LOC400499: variants seen among roughly 807,000 people sequenced by gnomAD.
At chr16:11,520,927 T>C in the LOC400499 span, among the ~76,000 whole-genome samples, 1 of 152,216 alleles carries the variant, frequency 6.6e-6, no homozygotes, top group Non-Finnish European at 1.5e-5. Flanking sequence ...CTTTATATCC[T>C]TGCCAACATT....
the LOC400499 span, among the ~76,000 whole-genome samples, chr16:11,428,087 A>G: frequency 7.3e-3 from 1,109 of 152,350 alleles, 7 homozygotes; most frequent in Non-Finnish European, 9.6e-3. Flanking sequence ...CAGACAGAGC[A>G]GCCCTGAGGG....
the LOC400499 span, among the ~76,000 whole-genome samples, chr16:11,480,834 C>A: frequency 6.6e-6 from 1 of 152,166 alleles, no homozygotes; most frequent in African/African-American, 2.4e-5. Context: ...TGAAAAGGAA[C>A]AAATTATAAG....
the LOC400499 span, among the ~76,000 whole-genome samples, chr16:11,499,605 G>A: frequency 1.3e-5 from 2 of 152,046 alleles, no homozygotes; most frequent in Non-Finnish European, 2.9e-5. Flanking sequence ...CAGAAGGCAA[G>A]GGCTCCCTAT....
chr16:11,397,527 C>T, the LOC400499 span, among the ~76,000 whole-genome samples: 7 of 152,098 alleles, frequency 4.6e-5, no homozygotes, highest in Middle Eastern at 3.2e-3. Context: ...CCTGCATCGG[C>T]CTCCCAAAGT....
At chr16:11,427,540 G>C in the LOC400499 span, among the ~76,000 whole-genome samples, 1 of 151,834 alleles carries the variant, frequency 6.6e-6, no homozygotes, top group Non-Finnish European at 1.5e-5. Flanking sequence ...CACCTCCCAG[G>C]CTCAAGCGAT....
chr16:11,521,833 A>C, the LOC400499 span: 1 of 397,266 alleles, frequency 2.5e-6, no homozygotes, highest in Non-Finnish European at 4.4e-6. Flanking sequence ...CAAATATAAG[A>C]TTCCTCAGAA....
At chr16:11,437,710 A>G in the LOC400499 span, among the ~76,000 whole-genome samples, 1 of 152,130 alleles carries the variant, frequency 6.6e-6, no homozygotes, top group African/African-American at 2.4e-5. Flanking sequence ...TCTACTAAAA[A>G]TACAAAAAAT....
the LOC400499 span, chr16:11,384,239 C>T: frequency 1.6e-6 from 2 of 1,232,352 alleles, no homozygotes; most frequent in East Asian, 3.2e-5. Flanking sequence ...CTGAGCTCCT[C>T]CAGGCTGCGG....
At chr16:11,525,366 C>G in the LOC400499 span, among the ~76,000 whole-genome samples, 63,974 of 150,734 alleles carry the variant, frequency 0.42, 14,261 homozygotes, top group African/African-American at 0.57. Flanking sequence ...GCATTATATA[C>G]TATTTTGTTT....
chr16:11,522,818 A>T, the LOC400499 span, among the ~76,000 whole-genome samples: 1 of 152,158 alleles, frequency 6.6e-6, no homozygotes, highest in Non-Finnish European at 1.5e-5. Flanking sequence ...AAAGCTGTAA[A>T]GCTGCCCAGC....
At chr16:11,491,671 A>G in the LOC400499 span, 2 of 274,778 alleles carry the variant, frequency 7.3e-6, no homozygotes, top group African/African-American at 4.7e-5. Flanking sequence ...CCCTGCCCAC[A>G]CCCCTCCCAC....
At chr16:11,500,846 G>A in the LOC400499 span, 1 of 399,188 alleles carries the variant, frequency 2.5e-6, no homozygotes, top group Non-Finnish European at 4.4e-6. Flanking sequence ...GTGGGAGGAA[G>A]GCCAGTGATG....
At chr16:11,400,478 G>C in the LOC400499 span, among the ~76,000 whole-genome samples, 1 of 135,132 alleles carries the variant, frequency 7.4e-6, no homozygotes, top group East Asian at 2.2e-4. Flanking sequence ...GTCTCACTCT[G>C]TTACCAGGCT....
At chr16:11,389,202 C>A in the LOC400499 span, among the ~76,000 whole-genome samples, 1 of 152,208 alleles carries the variant, frequency 6.6e-6, no homozygotes, top group African/African-American at 2.4e-5. Context: ...TCTACCTTCT[C>A]CTCAAAGCCA....
chr16:11,468,141 A>T, the LOC400499 span, among the ~76,000 whole-genome samples: 1 of 151,846 alleles, frequency 6.6e-6, no homozygotes, highest in South Asian at 2.1e-4. Flanking sequence ...AAACACCTTG[A>T]TTTCAGACTC....
the LOC400499 span, chr16:11,502,307 G>A: frequency 0.039 from 15,530 of 395,776 alleles, 402 homozygotes; most frequent in Non-Finnish European, 0.049. Context: ...CCTTCTCCCA[G>A]GATGTGCTGA....
chr16:11,393,148 C>T, the LOC400499 span, among the ~76,000 whole-genome samples: 1 of 110,194 alleles, frequency 9.1e-6, no homozygotes, highest in Non-Finnish European at 1.9e-5. Flanking sequence ...GCCACCACGC[C>T]TGGCCACCCC....
the LOC400499 span, among the ~76,000 whole-genome samples, chr16:11,407,535 G>A: frequency 6.6e-6 from 1 of 152,226 alleles, no homozygotes; most frequent in African/African-American, 2.4e-5. Context: ...AGGCCATCAA[G>A]CGTGGCCATG....
chr16:11,505,445 CTTTTTTTTTTTT>C, the LOC400499 span, among the ~76,000 whole-genome samples: 1 of 71,958 alleles, frequency 1.4e-5, no homozygotes, highest in Non-Finnish European at 2.4e-5. Context: ...TTTTTCTTTT[CTTTTTTTTTTTT>C]TTTTTTTTTT....
Sources: allele counts gnomAD v4.1 joint callset (sites outside exome capture counted in the v4.1 genomes callset), GRCh38; gene constraint gnomAD v4.1.1; transcripts MANE v1.5.